Variants in DOCK10 observed in about 807,000 individuals in gnomAD.
DOCK10 encodes the protein dedicator of cytokinesis protein 10.
DOCK10 carries 145 observed loss-of-function variants against 280.1 expected under a neutral mutation model. The observed-to-expected ratio is 0.52, with a 90% CI of 0.45 to 0.59. The LOEUF is 0.59. Ranked by LOEUF, DOCK10 falls within the 20% of genes least tolerant of loss-of-function variation. DOCK10 has a pLI of 0.00. For synonymous variants in DOCK10, 915 were observed against 942.2 expected, an observed-to-expected ratio of 0.97 and a Z score of 0.53; for missense variants, 2,368 against 2,651.7, an observed-to-expected ratio of 0.89 and a Z score of 2.35.
chr2:224,849,432 T>C (rs1282666690), intron 19 of DOCK10, 75 bp downstream of exon 19: 18 of 1,092,924 alleles, frequency 1.6e-5, no homozygotes, highest in Non-Finnish European at 2.0e-5. Flanking sequence ...GAGAGTGTTT[T>C]TCACTGCACG....
rs190177263 is a variant in DOCK10, at chr2:225,036,364, T to C, written c.123+5888A>G. Among the ~76,000 whole-genome samples, 41 of 152,328 alleles carry C rather than the reference T, an allele frequency of 2.7e-4. No individual in the cohort carries two copies. The East Asian group carries it at 5.4e-3, about 20-fold the overall frequency. ...TCGTTTCTAAGTGGTCTAAACCTCA[T>C]GTCTGCTTTAAGTAAAACTTTCAAA... is the stretch of plus-strand genomic sequence containing the variant. On this transcript the variant is annotated intron_variant, in intron 1 of 55. Coordinates refer to ENST00000258390, the MANE Select transcript of DOCK10 (RefSeq NM_014689.3).
chr2:224,956,625 G>GAAAAA (rs3083983), intron 1 of DOCK10, among the ~76,000 whole-genome samples: 3 of 78,658 alleles, frequency 3.8e-5, no homozygotes, highest in Non-Finnish European at 6.9e-5. Context: ...CGCTACCTCA[G>GAAAAA]AAAAAAAAAA....
intron 1 of DOCK10, among the ~76,000 whole-genome samples, chr2:225,002,928 A>G (rs565098314): frequency 6.6e-6 from 1 of 152,366 alleles, no homozygotes; most frequent in African/African-American, 2.4e-5. Context: ...GAACCACATC[A>G]GTGTGGTCTG....
intron 1 of DOCK10, among the ~76,000 whole-genome samples, chr2:224,945,657 C>T (rs1361037475): frequency 1.3e-5 from 2 of 151,402 alleles, no homozygotes; most frequent in Non-Finnish European, 2.9e-5. Context: ...TATAAAGAGC[C>T]TATATATATG....
At chr2:225,000,051 A>G (rs1328553827) in intron 1 of DOCK10, among the ~76,000 whole-genome samples, 1 of 152,180 alleles carries the variant, frequency 6.6e-6, no homozygotes, top group Admixed American at 6.5e-5. Flanking sequence ...AGTATATCCA[A>G]AGGGAAGAGA....
intron 3 of DOCK10, among the ~76,000 whole-genome samples, chr2:224,897,392 G>C (rs1700048026): frequency 6.6e-6 from 1 of 151,998 alleles, no homozygotes; most frequent in Admixed American, 6.6e-5. Flanking sequence ...AGCATTTATC[G>C]TTTGTGTTAT....
At position 224,922,387 on chromosome 2, in the gene DOCK10, A is replaced by G. The variant is rs539368038; in HGVS notation, c.244-5603T>C. Among the ~76,000 whole-genome samples, 6 of 152,212 alleles carry G rather than the reference A, an allele frequency of 3.9e-5. No homozygotes were observed. The South Asian group carries it at 1.2e-3, about 32-fold the overall frequency. ...GAGATTTCCTGTTCTCTTTTATAAA[A>G]CTCTGGTCAACAATTAGTATAGCTC... On this transcript the variant is annotated intron_variant, in intron 2 of 55. Transcript: ENST00000258390.
chr2:224,775,429 G>C (rs941200078), intron 51 of DOCK10, among the ~76,000 whole-genome samples: 1 of 151,924 alleles, frequency 6.6e-6, no homozygotes, highest in Admixed American at 6.6e-5. Context: ...ATGTTCAATC[G>C]CCTTTGTCTG....
chr2:225,019,370 C>T (rs1488249953), intron 1 of DOCK10, among the ~76,000 whole-genome samples: 1 of 151,724 alleles, frequency 6.6e-6, no homozygotes, highest in East Asian at 1.9e-4. Flanking sequence ...AACAGACTCT[C>T]ATGGTTAACT....
intron 2 of DOCK10, among the ~76,000 whole-genome samples, chr2:224,923,217 A>AT (rs1402320811): frequency 2.6e-5 from 4 of 152,218 alleles, no homozygotes; most frequent in African/African-American, 4.8e-5. Context: ...CTATTACTTG[A>AT]TAGCAGTCAT....
intron 1 of DOCK10, among the ~76,000 whole-genome samples, chr2:224,948,582 C>T (rs1386682167): frequency 1.3e-5 from 2 of 152,162 alleles, no homozygotes. Flanking sequence ...CTCTGGATCA[C>T]CTGATTTCCT....
intron 4 of DOCK10, chr2:224,893,508 C>T (rs1308956758): frequency 3.9e-6 from 1 of 254,650 alleles, no homozygotes; most frequent in Non-Finnish European, 8.3e-6. Flanking sequence ...TTAATGAAAT[C>T]AGTGGCATCA....
chr2:224,914,645 C>T (rs1293250447), intron 3 of DOCK10, among the ~76,000 whole-genome samples: 1 of 151,984 alleles, frequency 6.6e-6, no homozygotes, highest in Non-Finnish European at 1.5e-5. Flanking sequence ...AATAAAGAAA[C>T]GCCAGAAACG....
At chr2:224,977,248 A>G (rs1351162242) in intron 1 of DOCK10, among the ~76,000 whole-genome samples, 1 of 152,224 alleles carries the variant, frequency 6.6e-6, no homozygotes. Flanking sequence ...CAGAATGTTC[A>G]TGGATTTTAA....
At chr2:224,924,006 A>G (rs186164628) in intron 2 of DOCK10, among the ~76,000 whole-genome samples, 103 of 152,330 alleles carry the variant, frequency 6.8e-4, no homozygotes, top group Admixed American at 1.6e-3. Context: ...TTGGGGGTAA[A>G]ATATAACAAC....
At chr2:224,962,656 C>A (rs1280879270) in intron 1 of DOCK10, among the ~76,000 whole-genome samples, 1 of 152,168 alleles carries the variant, frequency 6.6e-6, no homozygotes, top group Non-Finnish European at 1.5e-5. Flanking sequence ...TTCAATTATA[C>A]CTGTGGAAAT....
chr2:224,904,509 T>C (rs1700474444), intron 3 of DOCK10, among the ~76,000 whole-genome samples: 1 of 152,154 alleles, frequency 6.6e-6, no homozygotes, highest in Non-Finnish European at 1.5e-5. Flanking sequence ...GAGGTCACAC[T>C]ATAGGAGTTA....
At chr2:224,780,210 A>AG (rs1691218937) in intron 50 of DOCK10, among the ~76,000 whole-genome samples, 1 of 152,220 alleles carries the variant, frequency 6.6e-6, no homozygotes, top group Non-Finnish European at 1.5e-5. Context: ...AAGCATGTAA[A>AG]GCAGCTCCTG....
At chr2:224,864,310 C>T (rs1183536822) in intron 13 of DOCK10, among the ~76,000 whole-genome samples, 1 of 152,102 alleles carries the variant, frequency 6.6e-6, no homozygotes, top group Non-Finnish European at 1.5e-5. Context: ...GAGTTCGAGA[C>T]CAGCCTGGTC....
Sources: allele counts gnomAD v4.1 joint callset (sites outside exome capture counted in the v4.1 genomes callset), GRCh38; gene constraint gnomAD v4.1.1; transcripts MANE v1.5; gene names NCBI Gene and HGNC (gene_info 2026-07-23, HGNC 2026-07-21).